The following EEIG2 variants were observed in gnomAD, a reference collection of about 807,000 sequenced individuals.
EEIG2 encodes family with sequence similarity 102 member B.
At chr1:108,560,602 T>C in the EEIG2 span, 1 of 1,598,076 alleles carries the variant, frequency 6.3e-7, no homozygotes, top group South Asian at 1.1e-5. Context: ...CCCTTTCTGC[T>C]TGGCCAGGGC....
the EEIG2 span, chr1:108,560,587 C>A: frequency 5.0e-6 from 8 of 1,604,630 alleles, no homozygotes; most frequent in Non-Finnish European, 6.8e-6. Flanking sequence ...CCCGCGCCGC[C>A]TCGCCCCTTT....
At chr1:108,633,108 G>A in the EEIG2 span, among the ~76,000 whole-genome samples, 1 of 152,170 alleles carries the variant, frequency 6.6e-6, no homozygotes, top group South Asian at 2.1e-4. Flanking sequence ...CATTTAAATA[G>A]TAAATGGTCA....
At chr1:108,569,143 T>C in the EEIG2 span, among the ~76,000 whole-genome samples, 1 of 152,058 alleles carries the variant, frequency 6.6e-6, no homozygotes, top group Admixed American at 6.5e-5. Context: ...CTAGGACCAG[T>C]GGGGAGATGT....
the EEIG2 span, among the ~76,000 whole-genome samples, chr1:108,574,567 A>G: frequency 6.6e-6 from 1 of 152,244 alleles, no homozygotes. Flanking sequence ...CCTGGCCAAC[A>G]TGGTGAAACC....
the EEIG2 span, among the ~76,000 whole-genome samples, chr1:108,570,310 A>G: frequency 6.6e-6 from 1 of 152,168 alleles, no homozygotes; most frequent in Non-Finnish European, 1.5e-5. Context: ...AGAGTGGTGT[A>G]TAACTGCTGC....
the EEIG2 span, among the ~76,000 whole-genome samples, chr1:108,591,926 AAGAC>A: frequency 6.6e-6 from 1 of 152,256 alleles, no homozygotes; most frequent in East Asian, 1.9e-4. Flanking sequence ...CAAACAATAT[AAGAC>A]AGAAAGAAAG....
At chr1:108,560,433 TGAAGAA>T in the EEIG2 span, 4 of 1,607,282 alleles carry the variant, frequency 2.5e-6, no homozygotes, top group Non-Finnish European at 3.4e-6. Flanking sequence ...CTCACGATGA[TGAAGAA>T]GAAGAAGTTT....
At chr1:108,562,255 G>A in the EEIG2 span, among the ~76,000 whole-genome samples, 1 of 152,100 alleles carries the variant, frequency 6.6e-6, no homozygotes, top group East Asian at 1.9e-4. Flanking sequence ...GGAATAAATC[G>A]TGTGCCATAT....
the EEIG2 span, among the ~76,000 whole-genome samples, chr1:108,581,057 G>C: frequency 2.0e-5 from 3 of 152,090 alleles, no homozygotes; most frequent in Non-Finnish European, 2.9e-5. Context: ...GAAGCCAGTG[G>C]TCACTTATCA....
chr1:108,569,212 G>A, the EEIG2 span, among the ~76,000 whole-genome samples: 1 of 152,210 alleles, frequency 6.6e-6, no homozygotes, highest in Non-Finnish European at 1.5e-5. Context: ...TAACATTTAG[G>A]AGAGTAAAAT....
chr1:108,628,611 T>C, the EEIG2 span: 1 of 1,571,912 alleles, frequency 6.4e-7, no homozygotes, highest in South Asian at 1.2e-5. Context: ...AAGAATAAAT[T>C]TTAATTTTTA....
At chr1:108,606,623 G>A in the EEIG2 span, among the ~76,000 whole-genome samples, 1 of 152,124 alleles carries the variant, frequency 6.6e-6, no homozygotes, top group Non-Finnish European at 1.5e-5. Flanking sequence ...GATCAGTACT[G>A]CTGGTTTTTA....
chr1:108,579,738 GGTGT>G, the EEIG2 span, among the ~76,000 whole-genome samples: 7 of 108,042 alleles, frequency 6.5e-5, no homozygotes, highest in African/African-American at 2.3e-4. Flanking sequence ...TTGTTTTTTT[GGTGT>G]GTGTGTGTGT....
At chr1:108,636,768 T>A in the EEIG2 span, 12 of 149,616 alleles carry the variant, frequency 8.0e-5, 1 homozygote, top group Non-Finnish European at 1.2e-4. Flanking sequence ...CCAAGGGACT[T>A]AAGTGGTAAA....
At chr1:108,599,295 C>G in the EEIG2 span, among the ~76,000 whole-genome samples, 2 of 152,280 alleles carry the variant, frequency 1.3e-5, no homozygotes, top group Non-Finnish European at 2.9e-5. Context: ...AAGCCTTTAT[C>G]TAAATTTTCA....
chr1:108,562,066 ATATAT>A, the EEIG2 span, among the ~76,000 whole-genome samples: 2 of 152,196 alleles, frequency 1.3e-5, no homozygotes, highest in Non-Finnish European at 1.5e-5. Context: ...TGGCTTCTAA[ATATAT>A]TATCTTATTT....
the EEIG2 span, among the ~76,000 whole-genome samples, chr1:108,623,420 G>C: frequency 5.3e-5 from 8 of 152,292 alleles, no homozygotes; most frequent in South Asian, 1.7e-3. Context: ...GCTTGAGCTG[G>C]AGAAGTGGAG....
chr1:108,623,524 T>C, the EEIG2 span, among the ~76,000 whole-genome samples: 1 of 152,022 alleles, frequency 6.6e-6, no homozygotes, highest in Admixed American at 6.6e-5. Context: ...TAAAAGAGTA[T>C]AATTGGACTG....
the EEIG2 span, among the ~76,000 whole-genome samples, chr1:108,569,578 C>T: frequency 1.3e-5 from 2 of 152,310 alleles, no homozygotes; most frequent in East Asian, 1.9e-4. Context: ...CTGCCTCAGC[C>T]GCCTAAACTG....
Sources: allele counts gnomAD v4.1 joint callset (sites outside exome capture counted in the v4.1 genomes callset), GRCh38; gene constraint gnomAD v4.1.1; transcripts MANE v1.5; gene names NCBI Gene and HGNC (gene_info 2026-07-23, HGNC 2026-07-21).